The following DNAH3 variants were observed in gnomAD, a reference collection of about 807,000 sequenced individuals.
The protein encoded by DNAH3 is dynein axonemal heavy chain 3, also known as axonemal beta dynein heavy chain 3.
Under a neutral mutation model 432.5 loss-of-function variants are expected in DNAH3, and 332 were observed. That is an observed-to-expected ratio of 0.77 (90% CI 0.70 to 0.84). The LOEUF (loss-of-function observed/expected upper bound fraction) is 0.84. Among genes scored for constraint, DNAH3 ranks in the 40% least tolerant of loss-of-function variants. The pLI is 0.00. For missense variants in DNAH3, 4,861 were observed against 5,114.0 expected (o/e 0.95, Z 1.51); for synonymous variants, 1,956 against 1,900.2 (o/e 1.03, Z -0.76).
In DNAH3 at chr16:20,948,657, G is replaced by A. The variant is rs1438931193; in HGVS notation, c.11189-20C>T. ...ATTCCCCTGGGGACAACCAACAGAA[G>A]GAGAGGTTGAGCCCAGGGAAGGTCA... On this transcript the variant is annotated intron_variant, in intron 56 of 61. Coordinates refer to ENST00000261383, the Ensembl canonical transcript of DNAH3. 1.1e-5 allele frequency: 17 copies of A among 1,613,794 alleles called. No individual in the cohort carries two copies. The highest frequency in any genetic ancestry group is 1.4e-5 in the Non-Finnish European group (17 of 1,179,868).
At chr16:20,977,038 G>A (rs2085625385) in intron 50 of DNAH3, among the ~76,000 whole-genome samples, 1 of 152,112 alleles carries the variant, frequency 6.6e-6, no homozygotes, top group Non-Finnish European at 1.5e-5. Context: ...TAATAACAGG[G>A]AGCGCACCAC....
Position 21,053,261 on chromosome 16 carries a change from C to T in DNAH3, c.4039+1159G>A, listed in dbSNP as rs560235887. ...AAGAAGATTATATCCACAGCTTTTT[C>T]TTCCTTCCCAAGGAATTTAATTCCC... On this transcript the variant is annotated intron_variant, in intron 28 of 61. Transcript: ENST00000261383. Among the ~76,000 whole-genome samples the T allele has an allele frequency of 1.1e-3, 165 of 152,280 alleles. 4 individuals are homozygous for T. The highest frequency in any genetic ancestry group is 8.8e-5 in the Non-Finnish European group (6 of 68,018).
exon 48 of DNAH3, chr16:20,985,362 G>A (rs748814479): frequency 6.2e-7 from 1 of 1,614,210 alleles, no homozygotes; most frequent in Non-Finnish European, 8.5e-7. Context: ...AGTTCTTGGT[G>A]ATCTCAATCT....
chr16:20,969,710 G>T, intron 52 of DNAH3, 82 bp downstream of exon 52: 3 of 1,486,304 alleles, frequency 2.0e-6, no homozygotes, highest in South Asian at 2.3e-5. Context: ...GCCTGCAGTC[G>T]ACTTGGGGAT....
chr16:20,983,471 G>A (rs1348461164), intron 48 of DNAH3, among the ~76,000 whole-genome samples: 2 of 151,984 alleles, frequency 1.3e-5, no homozygotes, highest in African/African-American at 2.4e-5. Context: ...TGTTCCTTCC[G>A]CATCCTTCGG....
chr16:20,938,161 G>A (rs764707997), intron 59 of DNAH3, among the ~76,000 whole-genome samples: 19 of 152,196 alleles, frequency 1.2e-4, no homozygotes, highest in Admixed American at 9.8e-4. Flanking sequence ...AAAGGCAGAG[G>A]TGGGTGGATC....
At chr16:21,046,707 A>G (rs1049190130) in intron 31 of DNAH3, among the ~76,000 whole-genome samples, 1 of 150,926 alleles carries the variant, frequency 6.6e-6, no homozygotes, top group Non-Finnish European at 1.5e-5. Context: ...TGTGAATTTG[A>G]TCCTGTCATG....
intron 39 of DNAH3, among the ~76,000 whole-genome samples, chr16:21,022,454 C>T (rs2088290319): frequency 6.6e-6 from 1 of 152,126 alleles, no homozygotes; most frequent in Non-Finnish European, 1.5e-5. Context: ...ATTAGGAATT[C>T]TAAACAATTA....
intron 52 of DNAH3, 39 bp downstream of exon 52, chr16:20,969,753 G>C (rs776593988): frequency 1.6e-5 from 25 of 1,609,220 alleles, no homozygotes; most frequent in Non-Finnish European, 2.1e-5. Flanking sequence ...TGCCAGGAAA[G>C]AGCAGCCTGT....
At chr16:21,157,301 T>C (rs928178165) in intron 1 of DNAH3, among the ~76,000 whole-genome samples, 2 of 151,848 alleles carry the variant, frequency 1.3e-5, no homozygotes, top group Non-Finnish European at 2.9e-5. Flanking sequence ...AGCCACACTA[T>C]TGCACCAGTC....
intron 44 of DNAH3, among the ~76,000 whole-genome samples, chr16:20,993,489 T>C (rs1005035173): frequency 1.3e-5 from 2 of 152,226 alleles, no homozygotes; most frequent in Non-Finnish European, 2.9e-5. Context: ...GATAACAATT[T>C]TCCTTTAATA....
chr16:21,159,361 C>A, exon 1 of DNAH3: 2 of 1,614,154 alleles, frequency 1.2e-6, no homozygotes, highest in South Asian at 2.2e-5. Context: ...CTTGGGTCTC[C>A]CTGGCTTTTG....
intron 15 of DNAH3, 128 bp downstream of exon 15, chr16:21,106,362 A>G (rs2091946348): frequency 1.2e-6 from 1 of 800,958 alleles, no homozygotes; most frequent in South Asian, 5.0e-5. Flanking sequence ...TCATATAACT[A>G]TCCTTTTGCT....
rs566951756 is a variant in DNAH3, at chr16:21,117,361, T to G, written c.1700-44A>C. 134 of 1,356,548 alleles carry G rather than the reference T, an allele frequency of 9.9e-5. 2 individuals carry two copies. The Middle Eastern group carries it at 2.1e-3, about 22-fold the overall frequency. 84.0% of individuals were successfully genotyped at this position (1,356,548 alleles called of 1,614,324 possible). A position where few individuals can be genotyped will look rare whatever the true frequency, so the allele number is the denominator to read the frequency against. ...CCACCTGAAGAGTAAACACCACTTTTGCATGTTGCAAGACTTAAGAAGGGA... is the reference window on the plus strand; with the variant it reads ...CCACCTGAAGAGTAAACACCACTTTGGCATGTTGCAAGACTTAAGAAGGGA... On this transcript the variant is annotated intron_variant, in intron 11 of 61. Coordinates refer to ENST00000261383, the Ensembl canonical transcript of DNAH3.
At chr16:21,125,403 C>G in intron 8 of DNAH3, 33 bp from the exon 10 acceptor site, 1 of 1,521,122 alleles carries the variant, frequency 6.6e-7, no homozygotes, top group Non-Finnish European at 8.8e-7. Flanking sequence ...ATGTGAGAAG[C>G]TCTTCTGGGC....
intron 3 of DNAH3, among the ~76,000 whole-genome samples, 164 bp downstream of exon 4, chr16:21,145,017 C>A (rs767091278): frequency 6.6e-6 from 1 of 152,146 alleles, no homozygotes; most frequent in Non-Finnish European, 1.5e-5. Flanking sequence ...GAGGCTGAGG[C>A]AGGAGAATCA....
At chr16:21,134,354 C>A (rs537142676) in exon 7 of DNAH3, 1 of 1,614,172 alleles carries the variant, frequency 6.2e-7, no homozygotes, top group South Asian at 1.1e-5. Flanking sequence ...AGACACTGTG[C>A]CAGGGCACAG....
At chr16:21,121,206 A>G in intron 10 of DNAH3, 1 of 385,308 alleles carries the variant, frequency 2.6e-6, no homozygotes, top group South Asian at 2.1e-5. Flanking sequence ...ATACCAACCA[A>G]TCAGAGGGAG....
Position 21,135,310 on chromosome 16 carries a change from T to C in DNAH3, c.887-856A>G, listed in dbSNP as rs545999303. Among the ~76,000 whole-genome samples, 9 of 152,226 alleles carry C rather than the reference T, an allele frequency of 5.9e-5. No homozygotes were observed. The South Asian group carries it at 1.7e-3, about 28-fold the overall frequency. On this transcript the variant is annotated intron_variant, in intron 6 of 61. Coordinates refer to ENST00000261383, the Ensembl canonical transcript of DNAH3. ...TGATACCATCCATTATATTTACAAA[T>C]AGAAGTTTAAAGACCAAATGTTTTC...
Sources: gnomAD v4.1 joint callset for allele counts (sites outside exome capture counted in the v4.1 genomes callset) on GRCh38, gnomAD v4.1.1 for gene constraint, MANE v1.5 for transcripts, NCBI Gene and HGNC (gene_info 2026-07-23, HGNC 2026-07-21) for gene names.